Variants in RFTN1 observed in about 807,000 individuals in gnomAD.
RFTN1 encodes raftlin, lipid raft linker 1.
RFTN1 carries 26 observed loss-of-function variants against 46.5 expected under a neutral mutation model. The observed-to-expected ratio is 0.56, with a 90% CI of 0.41 to 0.78. The LOEUF (loss-of-function observed/expected upper bound fraction) is 0.78. Ranked by LOEUF, RFTN1 falls within the 30% of genes least tolerant of loss-of-function variation. The pLI is 0.00. For missense variants in RFTN1, 693 were observed against 718.7 expected, an observed-to-expected ratio of 0.96 and a Z score of 0.41; for synonymous variants, 261 against 284.2, an observed-to-expected ratio of 0.92 and a Z score of 0.82.
Position 16,374,361 on chromosome 3 carries a change from G to A in RFTN1, c.826+3357C>T, listed in dbSNP as rs1270783376. On this transcript the variant is annotated intron_variant, in intron 5 of 9. Coordinates refer to ENST00000334133, the MANE Select transcript of RFTN1 (RefSeq NM_015150.2). The surrounding 1 kb of genome is among the most constrained non-coding windows in gnomAD (Gnocchi z 5.4). ...CTCAATAGCTGTTTGTTAATGGACT[G>A]AGTAAAAGGCCAGAAAGATGGCGGC... is the stretch of plus-strand genomic sequence containing the variant. Among the ~76,000 whole-genome samples, 1 of 152,226 alleles carries A rather than the reference G, an allele frequency of 6.6e-6. No individual in the cohort carries two copies. Among genetic ancestry groups the A allele is most frequent in the Non-Finnish European group, 1.5e-5 (1 of 68,044 alleles).
intron 3 of RFTN1, among the ~76,000 whole-genome samples, chr3:16,419,731 C>A (rs2075150653): frequency 6.6e-6 from 1 of 152,164 alleles, no homozygotes; most frequent in Non-Finnish European, 1.5e-5. Context: ...CCTAGCAAAT[C>A]TTTAAATAAA....
chr3:16,440,897 A>G lies in RFTN1; in HGVS notation c.146-6860T>C, dbSNP rs893219394. Among the ~76,000 whole-genome samples, 2 of 152,082 alleles carry G rather than the reference A, an allele frequency of 1.3e-5. No homozygotes were observed. The highest frequency in any genetic ancestry group is 2.9e-5 in the Non-Finnish European group (2 of 68,016). ...TGCCCCGCACTTCTTCCTATTTCTG[A>G]TCCTGCCACTGTCCAGGCGCAGTGT... On this transcript the variant is annotated intron_variant, in intron 2 of 9. Coordinates refer to ENST00000334133, the MANE Select transcript of RFTN1 (RefSeq NM_015150.2). The surrounding 1 kb of genome is among the most constrained non-coding windows in gnomAD (Gnocchi z 4.6).
At chr3:16,462,275 A>G (rs529330752) in intron 2 of RFTN1, among the ~76,000 whole-genome samples, 103 of 152,366 alleles carry the variant, frequency 6.8e-4, no homozygotes, top group Non-Finnish European at 3.4e-4. Context: ...TTCTTGGCAC[A>G]TAACTACTAT....
chr3:16,378,899 C>T (rs2073884749), intron 4 of RFTN1, among the ~76,000 whole-genome samples: 1 of 152,196 alleles, frequency 6.6e-6, no homozygotes, highest in Admixed American at 6.5e-5. Flanking sequence ...AACTTTCCCT[C>T]TCCCTAAAAA....
At position 16,474,203 on chromosome 3, in the gene RFTN1, A is replaced by T. The variant is rs1199287906; in HGVS notation, c.145+19522T>A. ...CTGATGACTTTATTCAATTCTAACA[A>T]CGCCAGGAAATATACTGCATTTTAC... On this transcript the variant is annotated intron_variant, in intron 2 of 9. Coordinates refer to ENST00000334133, the MANE Select transcript of RFTN1 (RefSeq NM_015150.2). This position sits in a 1 kb window ranked among gnomAD's most constrained non-coding sequence, Gnocchi z 5.5. 6.6e-6 allele frequency among the ~76,000 whole-genome samples: 1 copy of T among 152,140 alleles called. No individual in the cohort carries two copies.
Position 16,378,094 on chromosome 3 carries a change from C to T in RFTN1, c.450G>A (p.Glu150=). ...LIPEFIKKIQ[E]AASQGLKFVG... is the part of the protein sequence containing the mutation. Reference sequence around the variant, plus strand: ...CGAATTTCAGGCCCTGGCTTGCAGCCTCCTGGATCTGTGAGGCAAACAAAA... The same window carrying T: ...CGAATTTCAGGCCCTGGCTTGCAGCTTCCTGGATCTGTGAGGCAAACAAAA... Residue 150 remains glutamate, a synonymous_variant, in exon 5 of 10, where the codon GAG becomes GAA. Transcript: ENST00000334133. 6.2e-7 allele frequency: 1 copy of T among 1,608,062 alleles called. No homozygotes were observed. Among genetic ancestry groups the T allele is most frequent in the Non-Finnish European group, 8.5e-7 (1 of 1,174,810 alleles).
chr3:16,512,425 T>A lies in RFTN1; in HGVS notation c.-9+1017A>T, dbSNP rs530451049. Among the ~76,000 whole-genome samples the A allele has an allele frequency of 8.9e-4, 134 of 150,806 alleles. No individual in the cohort carries two copies. The highest frequency in any genetic ancestry group is 5.4e-3 in the South Asian group (26 of 4,782). ...CAGAGATTGAGCCAGACTTTTTTTT[T>A]AAAAAAGTACTTCTTGTTTGTTTGT... On this transcript the variant is annotated intron_variant, in intron 1 of 9. Coordinates refer to ENST00000334133, the MANE Select transcript of RFTN1 (RefSeq NM_015150.2). The surrounding 1 kb of genome is among the most constrained non-coding windows in gnomAD (Gnocchi z 4.3).
chr3:16,435,289 C>T (rs2075481359), intron 2 of RFTN1, among the ~76,000 whole-genome samples: 2 of 152,174 alleles, frequency 1.3e-5, no homozygotes, highest in Admixed American at 6.5e-5. Context: ...TACTTTTCGG[C>T]CAGGGGCAGT....
chr3:16,341,998 ATTATCT>A lies in RFTN1; in HGVS notation c.1147-15128_1147-15123del, dbSNP rs2071348537. Among the ~76,000 whole-genome samples, 2 of 152,194 alleles carry A rather than the reference ATTATCT, an allele frequency of 1.3e-5. No homozygotes were observed. Among genetic ancestry groups the A allele is most frequent in the Non-Finnish European group, 2.9e-5 (2 of 68,032 alleles). On this transcript the variant is annotated intron_variant, in intron 7 of 9. Transcript: ENST00000334133. This position sits in a 1 kb window ranked among gnomAD's most constrained non-coding sequence, Gnocchi z 4.7. ...TCTTTTCTTGACCTGTATTTTCTAA[ATTATCT>A]TTAATGACCACTTGTCACTTTTTTC... is the stretch of plus-strand genomic sequence containing the variant.
intron 2 of RFTN1, among the ~76,000 whole-genome samples, chr3:16,462,587 A>G (rs1392005669): frequency 6.6e-6 from 1 of 152,260 alleles, no homozygotes; most frequent in African/African-American, 2.4e-5. Context: ...AGCTGCAGCT[A>G]CGAGCCAATG....
intron 2 of RFTN1, among the ~76,000 whole-genome samples, chr3:16,438,188 C>T (rs1411602836): frequency 6.6e-6 from 1 of 152,090 alleles, no homozygotes; most frequent in Non-Finnish European, 1.5e-5. Context: ...ACTCTTCCTG[C>T]TATAATAAAA....
At chr3:16,343,079 A>G (rs752661526) in intron 7 of RFTN1, among the ~76,000 whole-genome samples, 5 of 152,182 alleles carry the variant, frequency 3.3e-5, no homozygotes, top group Non-Finnish European at 7.3e-5. Flanking sequence ...TCCTGGGCTT[A>G]AACAGTCCTC....
chr3:16,401,430 C>T (rs999211769), intron 4 of RFTN1, among the ~76,000 whole-genome samples: 8 of 152,144 alleles, frequency 5.3e-5, no homozygotes, highest in South Asian at 2.1e-4. Context: ...AAGGCCTCTG[C>T]CTGTTTTATA....
At chr3:16,389,911 T>A (rs1454073738) in intron 4 of RFTN1, among the ~76,000 whole-genome samples, 1 of 152,176 alleles carries the variant, frequency 6.6e-6, no homozygotes, top group East Asian at 1.9e-4. Flanking sequence ...TTCCATGAAC[T>A]TCTACCTTCT....
rs2076680944 is a variant in RFTN1, at chr3:16,499,716, C to T, written c.-8-5839G>A. 6.6e-6 allele frequency among the ~76,000 whole-genome samples: 1 copy of T among 152,222 alleles called. No individual in the cohort carries two copies. Among genetic ancestry groups the T allele is most frequent in the Non-Finnish European group, 1.5e-5 (1 of 68,044 alleles). ...GCTCGAAATGACCATGGCCTGCCGCCTCCTTGGCACCTGCTGAAGTTGGCC... is the reference window on the plus strand; with the variant it reads ...GCTCGAAATGACCATGGCCTGCCGCTTCCTTGGCACCTGCTGAAGTTGGCC... On this transcript the variant is annotated intron_variant, in intron 1 of 9. Coordinates refer to ENST00000334133, the MANE Select transcript of RFTN1 (RefSeq NM_015150.2). This position sits in a 1 kb window ranked among gnomAD's most constrained non-coding sequence, Gnocchi z 4.9.
At position 16,334,628 on chromosome 3, in the gene RFTN1, T is replaced by C. The variant is rs2070673101; in HGVS notation, c.1147-7752A>G. Among the ~76,000 whole-genome samples the C allele has an allele frequency of 6.6e-6, 1 of 152,132 alleles. No homozygotes were observed. The highest frequency in any genetic ancestry group is 1.5e-5 in the Non-Finnish European group (1 of 68,024). ...GATGAAGAGGGACAATGAGAGGGAA[T>C]GAATTCTATTCTAGACACCCTGAGT... On this transcript the variant is annotated intron_variant, in intron 7 of 9. Coordinates refer to ENST00000334133, the MANE Select transcript of RFTN1 (RefSeq NM_015150.2). The surrounding 1 kb of genome is among the most constrained non-coding windows in gnomAD (Gnocchi z 4.3).
chr3:16,384,364 C>T lies in RFTN1; in HGVS notation c.442-6262G>A, dbSNP rs1299809387. ...GTTGATGGAGGTCTCTAAATCTAAA[C>T]CTGACTAGGCATGAAATAAAAGTTC... On this transcript the variant is annotated intron_variant, in intron 4 of 9. Coordinates refer to ENST00000334133, the MANE Select transcript of RFTN1 (RefSeq NM_015150.2). The surrounding 1 kb of genome is among the most constrained non-coding windows in gnomAD (Gnocchi z 4.7). 6.6e-6 allele frequency among the ~76,000 whole-genome samples: 1 copy of T among 152,208 alleles called. No homozygotes were observed. Among genetic ancestry groups the T allele is most frequent in the Admixed American group, 6.5e-5 (1 of 15,274 alleles).
At chr3:16,416,865 A>C (rs1302043061) in intron 3 of RFTN1, among the ~76,000 whole-genome samples, 3 of 152,258 alleles carry the variant, frequency 2.0e-5, no homozygotes, top group Non-Finnish European at 2.9e-5. Context: ...TACTTTTAAA[A>C]ATTTTTTTAT....
rs1693724710 is a variant in RFTN1, at chr3:16,512,878, T to A, written c.-9+564A>T. On this transcript the variant is annotated intron_variant, in intron 1 of 9. Transcript: ENST00000334133. This position sits in a 1 kb window ranked among gnomAD's most constrained non-coding sequence, Gnocchi z 4.3. ...CGGCGCTTCCTCGGAGCGCGCGGCA[T>A]GTCTGCTCCTACACGTCCAGCACCT... is the stretch of plus-strand genomic sequence containing the variant. The A allele has an allele frequency of 6.6e-6, 1 of 152,228 alleles. No homozygotes were observed. Among genetic ancestry groups the A allele is most frequent in the Non-Finnish European group, 1.5e-5 (1 of 68,124 alleles). The allele number at this position is 152,228 out of a possible 1,614,324, so 9.4% of individuals were successfully genotyped here.
Sources: allele counts gnomAD v4.1 joint callset (sites outside exome capture counted in the v4.1 genomes callset), GRCh38; gene constraint gnomAD v4.1.1; non-coding constraint Gnocchi (gnomAD v3.1); transcripts MANE v1.5; gene names NCBI Gene and HGNC (gene_info 2026-07-23, HGNC 2026-07-21).